SRFBP1: variants seen among roughly 807,000 people sequenced by gnomAD.
The protein encoded by SRFBP1 is serum response factor binding protein 1.
SRFBP1 carries 47 observed loss-of-function variants against 45.5 expected under a neutral mutation model. The observed-to-expected ratio is 1.03, with a 90% CI of 0.82 to 1.32. The LOEUF (loss-of-function observed/expected upper bound fraction) is 1.32, where lower values mean the gene tolerates loss of function less well. Among genes scored for constraint, SRFBP1 ranks in the 40% most tolerant of loss-of-function variants. SRFBP1 has a pLI of 0.00. For synonymous variants in SRFBP1, 203 were observed against 166.3 expected (o/e 1.22, Z -1.70); for missense variants, 621 against 484.6 (o/e 1.28, Z -2.64).
chr5:122,067,305 G>GAA (rs535456510), intron 2 of SRFBP1, among the ~76,000 whole-genome samples: 7 of 146,318 alleles, frequency 4.8e-5, no homozygotes, highest in Non-Finnish European at 7.6e-5. Flanking sequence ...TCTGTGAGGA[G>GAA]AAAAAAAAAA....
At chr5:122,078,861 AC>A (rs1754719157), downstream of SRFBP1, among the ~76,000 whole-genome samples, 1 of 152,262 alleles carries the variant, frequency 6.6e-6, no homozygotes, top group African/African-American at 2.4e-5. Flanking sequence ...TATTTTAATA[AC>A]CAAAAGTGAA....
At position 121,973,648 on chromosome 5, in the gene SRFBP1, T is replaced by C. The variant is rs965539040; in HGVS notation, c.37-548T>C. ...GGGCATGTATGTTTACATGCACATATGCTTGCACACAATGCCCTTGTGTTT... is the reference window on the plus strand; with the variant it reads ...GGGCATGTATGTTTACATGCACATACGCTTGCACACAATGCCCTTGTGTTT... On this transcript the variant is annotated intron_variant, in intron 1 of 7. Coordinates refer to ENST00000339397, the MANE Select transcript of SRFBP1 (RefSeq NM_152546.3). Among the ~76,000 whole-genome samples the C allele has an allele frequency of 5.9e-5, 9 of 151,580 alleles. No homozygotes were observed. In the East Asian group the frequency reaches 9.7e-4, roughly 16 times the overall value.
intron 2 of SRFBP1, among the ~76,000 whole-genome samples, chr5:122,045,455 A>G (rs1217684857): frequency 6.6e-6 from 1 of 152,214 alleles, no homozygotes; most frequent in African/African-American, 2.4e-5. Context: ...CAGTATGGCC[A>G]TTTTAACAAT....
chr5:122,060,546 A>G (rs548592798), intron 2 of SRFBP1, among the ~76,000 whole-genome samples: 1 of 152,138 alleles, frequency 6.6e-6, no homozygotes, highest in South Asian at 2.1e-4. Context: ...TAGTATCTAC[A>G]ACGACTGGGT....
intron 2 of SRFBP1, among the ~76,000 whole-genome samples, chr5:122,041,129 A>T (rs1266969980): frequency 1.3e-5 from 2 of 152,164 alleles, no homozygotes; most frequent in Admixed American, 1.3e-4. Context: ...TGTAGTCACC[A>T]GTTAGGAGGC....
chr5:122,009,473 TTA>T (rs1753045721), intron 4 of SRFBP1, among the ~76,000 whole-genome samples: 1 of 152,244 alleles, frequency 6.6e-6, no homozygotes, highest in Admixed American at 6.5e-5. Flanking sequence ...TTACTATGTG[TTA>T]TATCTGTGAT....
At chr5:121,962,176 G>T (rs1227848381) in intron 1 of SRFBP1, 108 bp downstream of exon 1, 5 of 1,407,430 alleles carry the variant, frequency 3.6e-6, no homozygotes, top group Admixed American at 3.5e-5. Flanking sequence ...AGGAACTTTC[G>T]TGGTGGGCCC....
chr5:122,076,878 C>T, downstream of SRFBP1: 4 of 1,612,350 alleles, frequency 2.5e-6, no homozygotes, highest in Non-Finnish European at 3.4e-6. Flanking sequence ...GGGCCTCAGA[C>T]ATATCAGCCC....
intron 4 of SRFBP1, among the ~76,000 whole-genome samples, chr5:122,012,805 AC>A (rs1753121612): frequency 6.6e-6 from 1 of 152,112 alleles, no homozygotes; most frequent in African/African-American, 2.4e-5. Context: ...TCTAATTAGT[AC>A]TTGAACATAA....
intron 7 of SRFBP1, among the ~76,000 whole-genome samples, chr5:122,025,174 A>C (rs1411141344): frequency 2.7e-5 from 4 of 148,844 alleles, no homozygotes; most frequent in African/African-American, 1.0e-4. Flanking sequence ...ATGTGTTCTC[A>C]TTGTTCAATT....
At chr5:121,985,258 A>G (rs1236678156) in intron 3 of SRFBP1, among the ~76,000 whole-genome samples, 4 of 151,804 alleles carry the variant, frequency 2.6e-5, no homozygotes, top group Admixed American at 2.0e-4. Flanking sequence ...TAAAAGTTGA[A>G]TGAAACTTTA....
chr5:122,027,361 C>G lies in SRFBP1; in HGVS notation c.*235C>G, dbSNP rs1753504697. The stretch of plus-strand genomic sequence containing the variant: ...CCAGGCTCTGCAGCTATTACTTAAA[C>G]TCGTATTTGAATAAGTCTCTTGGGG... On this transcript the variant is annotated 3_prime_UTR_variant, in exon 8 of 8. Coordinates refer to ENST00000339397, the MANE Select transcript of SRFBP1 (RefSeq NM_152546.3). The G allele has an allele frequency of 3.4e-6, 1 of 292,400 alleles. No homozygotes were observed. Among genetic ancestry groups the G allele is most frequent in the East Asian group, 5.9e-5 (1 of 17,040 alleles). 18.1% of individuals were successfully genotyped at this position (292,400 alleles called of 1,614,324 possible).
intron 2 of SRFBP1, among the ~76,000 whole-genome samples, chr5:122,038,485 G>T (rs1753725402): frequency 6.6e-6 from 1 of 152,198 alleles, no homozygotes; most frequent in Admixed American, 6.5e-5. Context: ...GTGTTGGGCT[G>T]TGGGAATCAT....
intron 1 of SRFBP1, among the ~76,000 whole-genome samples, chr5:121,963,249 T>C (rs1178933618): frequency 2.0e-5 from 3 of 152,224 alleles, no homozygotes; most frequent in Non-Finnish European, 4.4e-5. Context: ...ATATATTCTC[T>C]GCTGCCAGAT....
At chr5:122,070,409 C>T in intron 2 of SRFBP1, 1 of 747,000 alleles carries the variant, frequency 1.3e-6, no homozygotes, top group Non-Finnish European at 2.3e-6. Flanking sequence ...GCTTCCAATA[C>T]CATGATTATT....
At chr5:122,043,237 A>G (rs1175277060) in intron 2 of SRFBP1, among the ~76,000 whole-genome samples, 2 of 150,626 alleles carry the variant, frequency 1.3e-5, no homozygotes, top group African/African-American at 2.5e-5. Context: ...CTTTTTCGAG[A>G]CAGAGTCTCC....
chr5:121,984,367 A>G (rs1171955892), intron 3 of SRFBP1, among the ~76,000 whole-genome samples: 2 of 151,746 alleles, frequency 1.3e-5, no homozygotes, highest in Non-Finnish European at 3.0e-5. Context: ...TACTTAGGTA[A>G]TCAGTTTTTA....
chr5:122,040,640 T>A (rs1184614301), intron 2 of SRFBP1, among the ~76,000 whole-genome samples: 1 of 152,144 alleles, frequency 6.6e-6, no homozygotes, highest in Non-Finnish European at 1.5e-5. Flanking sequence ...TTAGCTCGTA[T>A]TTGAAATAGG....
At chr5:121,983,388 G>C (rs989933954) in intron 3 of SRFBP1, among the ~76,000 whole-genome samples, 1 of 151,678 alleles carries the variant, frequency 6.6e-6, no homozygotes, top group Non-Finnish European at 1.5e-5. Context: ...TGACAGAAGT[G>C]AGTAATTTTA....
Sources: allele counts gnomAD v4.1 joint callset (sites outside exome capture counted in the v4.1 genomes callset), GRCh38; gene constraint gnomAD v4.1.1; transcripts MANE v1.5; gene names NCBI Gene and HGNC (gene_info 2026-07-23, HGNC 2026-07-21).